The following ADARB2 variants were observed in gnomAD, a reference collection of about 807,000 sequenced individuals.
The protein encoded by ADARB2 is adenosine deaminase RNA specific B2 (inactive).
ADARB2 carries 25 observed loss-of-function variants against 62.2 expected under a neutral mutation model. That is an observed-to-expected ratio of 0.40 (90% CI 0.29 to 0.56). The LOEUF (loss-of-function observed/expected upper bound fraction) is 0.56. Among genes scored for constraint, ADARB2 ranks in the 20% least tolerant of loss-of-function variants. The pLI is 0.43. For synonymous variants in ADARB2, 572 were observed against 500.8 expected (o/e 1.14, Z -1.90); for missense variants, 1,071 against 1,077.4 (o/e 0.99, Z 0.08).
chr10:1,500,522 A>G (rs1472815416), intron 1 of ADARB2, among the ~76,000 whole-genome samples: 2 of 152,260 alleles, frequency 1.3e-5, no homozygotes, highest in Non-Finnish European at 2.9e-5. Context: ...CAACTTATTT[A>G]CTAACATAAA....
intron 1 of ADARB2, among the ~76,000 whole-genome samples, chr10:1,412,389 T>TA (rs1331773383): frequency 3.9e-5 from 6 of 152,120 alleles, no homozygotes; most frequent in Non-Finnish European, 8.8e-5. Flanking sequence ...ACAAATAATT[T>TA]AAAAAATTTA....
chr10:1,652,481 C>T (rs984865348), intron 1 of ADARB2, among the ~76,000 whole-genome samples: 2 of 152,226 alleles, frequency 1.3e-5, no homozygotes, highest in Non-Finnish European at 2.9e-5. Flanking sequence ...TTCTGTCCTC[C>T]TACCACTGAC....
chr10:1,555,448 T>A (rs1044984086), intron 1 of ADARB2, among the ~76,000 whole-genome samples: 5 of 152,230 alleles, frequency 3.3e-5, no homozygotes, highest in African/African-American at 4.8e-5. Flanking sequence ...TCATCCTTCG[T>A]AAGAGAAGTG....
Position 1,447,518 on chromosome 10 carries a change from C to T in ADARB2, c.101-68358G>A, listed in dbSNP as rs1406665427. 3.9e-5 allele frequency among the ~76,000 whole-genome samples: 6 copies of T among 152,134 alleles called. No homozygotes were observed. In the East Asian group the frequency reaches 1.2e-3, roughly 29 times the overall value. On this transcript the variant is annotated intron_variant, in intron 1 of 9. Transcript: ENST00000381312. ...CAGAAGTCCAGCCATACAGCTTCTG[C>T]ATTTTTGAGTGAAGACAGATCATAT...
At chr10:1,645,375 C>T (rs186743084) in intron 1 of ADARB2, among the ~76,000 whole-genome samples, 1 of 152,154 alleles carries the variant, frequency 6.6e-6, no homozygotes, top group East Asian at 1.9e-4. Flanking sequence ...GCATGCCAGC[C>T]CATCGACCTG....
chr10:1,357,051 G>A (rs1433063918), intron 3 of ADARB2, among the ~76,000 whole-genome samples: 2 of 152,158 alleles, frequency 1.3e-5, no homozygotes, highest in African/African-American at 2.4e-5. Context: ...AATTTTACAC[G>A]TAAGTGAAAT....
intron 1 of ADARB2, among the ~76,000 whole-genome samples, chr10:1,625,159 G>T (rs144570974): frequency 5.4e-4 from 82 of 152,332 alleles, no homozygotes; most frequent in African/African-American, 1.9e-3. Flanking sequence ...AACCCCAAGA[G>T]ACATTTTTCC....
intron 1 of ADARB2, among the ~76,000 whole-genome samples, chr10:1,524,969 A>G (rs1297409566): frequency 6.6e-6 from 1 of 152,190 alleles, no homozygotes. Flanking sequence ...ACATACTGCT[A>G]TGTCTTTTTA....
chr10:1,375,788 G>A (rs975598066), intron 2 of ADARB2, among the ~76,000 whole-genome samples: 1 of 141,816 alleles, frequency 7.1e-6, no homozygotes, highest in Non-Finnish European at 1.5e-5. Context: ...GCACACACAT[G>A]CACACACGCA....
At chr10:1,327,614 C>CCAGCGCCTCCCCACGGCA (rs1831881231) in intron 3 of ADARB2, among the ~76,000 whole-genome samples, 1 of 62,618 alleles carries the variant, frequency 1.6e-5, no homozygotes, top group East Asian at 4.9e-4. Flanking sequence ...TCCTCACTGC[C>CCAGCGCCTCCCCACGGCA]CAGCGCCTCC....
intron 1 of ADARB2, among the ~76,000 whole-genome samples, chr10:1,636,140 C>T (rs532807099): frequency 2.7e-4 from 41 of 152,204 alleles, no homozygotes; most frequent in African/African-American, 9.4e-4. Flanking sequence ...AATAGCTCAA[C>T]GGAGCGAGTT....
intron 2 of ADARB2, among the ~76,000 whole-genome samples, chr10:1,376,655 G>C (rs1290202464): frequency 6.6e-6 from 1 of 152,186 alleles, no homozygotes; most frequent in African/African-American, 2.4e-5. Flanking sequence ...CTACAGAAAG[G>C]CGGCTGCTGC....
At chr10:1,410,772 C>G (rs1039996011) in intron 1 of ADARB2, among the ~76,000 whole-genome samples, 1 of 152,150 alleles carries the variant, frequency 6.6e-6, no homozygotes, top group Non-Finnish European at 1.5e-5. Context: ...GAGCAGGAAT[C>G]GTCGGTGCAA....
chr10:1,594,541 T>A (rs1833306085), intron 1 of ADARB2, among the ~76,000 whole-genome samples: 1 of 152,148 alleles, frequency 6.6e-6, no homozygotes, highest in Non-Finnish European at 1.5e-5. Context: ...TAACTCACCA[T>A]CAAGCGGCCC....
intron 1 of ADARB2, among the ~76,000 whole-genome samples, chr10:1,720,462 C>T (rs1835076209): frequency 6.6e-6 from 1 of 152,156 alleles, no homozygotes; most frequent in Admixed American, 6.5e-5. Context: ...ACCTCAGCGA[C>T]ACCCAATTTA....
intron 3 of ADARB2, among the ~76,000 whole-genome samples, chr10:1,339,496 A>T (rs1309589070): frequency 1.3e-5 from 2 of 152,252 alleles, no homozygotes; most frequent in Non-Finnish European, 2.9e-5. Context: ...CTTGCCTCTC[A>T]CATCCCTACG....
chr10:1,298,390 C>T (rs954734317), intron 3 of ADARB2, among the ~76,000 whole-genome samples: 21 of 152,188 alleles, frequency 1.4e-4, no homozygotes, highest in Admixed American at 4.6e-4. Flanking sequence ...TGGGTGATCC[C>T]GGGGGCACAT....
intron 1 of ADARB2, among the ~76,000 whole-genome samples, chr10:1,715,662 C>T (rs1216327106): frequency 3.3e-5 from 5 of 152,154 alleles, no homozygotes; most frequent in Non-Finnish European, 5.9e-5. Flanking sequence ...TATTTTCAAG[C>T]AGTTGAAACT....
rs995610225 is a variant in ADARB2, at chr10:1,659,266, G to A, written c.100+77785C>T. ...AAATCTGCATTACAATGAAAAGACC[G>A]AATCATTCCACACCTGCTAAATAAA... On this transcript the variant is annotated intron_variant, in intron 1 of 9. Coordinates refer to ENST00000381312, the MANE Select transcript of ADARB2 (RefSeq NM_018702.4). 3.3e-5 allele frequency among the ~76,000 whole-genome samples: 5 copies of A among 152,242 alleles called. 1 individual carries two copies. Among genetic ancestry groups the A allele is most frequent in the Admixed American group, 1.3e-4 (2 of 15,300 alleles).
Sources: gnomAD v4.1 joint callset for allele counts (sites outside exome capture counted in the v4.1 genomes callset) on GRCh38, gnomAD v4.1.1 for gene constraint, MANE v1.5 for transcripts, NCBI Gene and HGNC (gene_info 2026-07-23, HGNC 2026-07-21) for gene names.